Variants in RBFOX1 observed in about 807,000 individuals in gnomAD.
RBFOX1 encodes the protein RNA binding fox-1 homolog 1, also known as RNA binding protein fox-1 homolog 1.
Under a neutral mutation model 57.7 loss-of-function variants are expected in RBFOX1, and 8 were observed. The ratio of observed to expected loss-of-function variants is 0.14; its 90% CI spans 0.08 to 0.25. RBFOX1 has a LOEUF of 0.25. RBFOX1 is among the 10% of genes least tolerant of loss of function. The probability of loss-of-function intolerance (pLI) is 1.00; values close to 1 mark genes in which losing one functional copy is unlikely to be tolerated. For missense variants in RBFOX1, 611 were observed against 548.5 expected (o/e 1.11, Z -1.14); for synonymous variants, 326 against 222.4 (o/e 1.47, Z -4.15).
At chr16:6,974,095 A>C (rs1306310923) in intron 3 of RBFOX1, among the ~76,000 whole-genome samples, 1 of 152,270 alleles carries the variant, frequency 6.6e-6, no homozygotes, top group South Asian at 2.1e-4. Flanking sequence ...TGTCCCTGCA[A>C]AGGACATGAT....
At chr16:6,208,106 A>G (rs935105372) in intron 1 of RBFOX1, among the ~76,000 whole-genome samples, 4 of 151,990 alleles carry the variant, frequency 2.6e-5, no homozygotes, top group African/African-American at 9.7e-5. Context: ...TCTCTGCATA[A>G]AAACTAAATG....
chr16:7,488,582 G>T (rs12447795), intron 4 of RBFOX1, among the ~76,000 whole-genome samples: 139,358 of 152,108 alleles, frequency 0.92, 65,073 homozygotes, highest in East Asian at 1. Flanking sequence ...TATCCATTCT[G>T]ACATCGTCTA....
At chr16:7,537,931 G>C (rs1183447235) in intron 5 of RBFOX1, among the ~76,000 whole-genome samples, 1 of 152,172 alleles carries the variant, frequency 6.6e-6, no homozygotes, top group Non-Finnish European at 1.5e-5. Flanking sequence ...TCTGCCTTTT[G>C]GGCATTGATC....
chr16:5,348,391 G>A (rs907003011), intron 1 of RBFOX1, among the ~76,000 whole-genome samples: 2 of 152,212 alleles, frequency 1.3e-5, no homozygotes, highest in Non-Finnish European at 2.9e-5. Flanking sequence ...ACTACCTACT[G>A]TGTTAAGAAT....
chr16:6,992,027 A>G (rs937531898), intron 3 of RBFOX1, among the ~76,000 whole-genome samples: 5 of 148,428 alleles, frequency 3.4e-5, no homozygotes, highest in African/African-American at 7.9e-5. Context: ...CTTGAAAACT[A>G]TTGTCAGAGT....
chr16:5,373,143 G>A (rs2065901433), intron 1 of RBFOX1, among the ~76,000 whole-genome samples: 1 of 152,132 alleles, frequency 6.6e-6, no homozygotes, highest in African/African-American at 2.4e-5. Flanking sequence ...GGATTTTCTC[G>A]GCAGAACCAT....
intron 1 of RBFOX1, among the ~76,000 whole-genome samples, chr16:6,027,336 C>G (rs1567287107): frequency 6.6e-6 from 1 of 152,154 alleles, no homozygotes; most frequent in Non-Finnish European, 1.5e-5. Flanking sequence ...AAGCAGTTCT[C>G]TTCCCCTGCT....
At chr16:7,670,845 A>C (rs1433416834) in intron 13 of RBFOX1, among the ~76,000 whole-genome samples, 1 of 152,200 alleles carries the variant, frequency 6.6e-6, no homozygotes, top group Non-Finnish European at 1.5e-5. Context: ...CTTGACCATG[A>C]ATGACTCTTA....
chr16:6,835,580 C>T (rs1603630433), intron 3 of RBFOX1, among the ~76,000 whole-genome samples: 1 of 151,402 alleles, frequency 6.6e-6, no homozygotes, highest in Admixed American at 6.6e-5. Context: ...GGTAAAACCC[C>T]ATCTCTACCA....
At chr16:7,192,406 T>G (rs12930176) in intron 4 of RBFOX1, among the ~76,000 whole-genome samples, 59,437 of 152,052 alleles carry the variant, frequency 0.39, 12,049 homozygotes, top group Non-Finnish European at 0.43. Flanking sequence ...TTAGGAGCTT[T>G]AGACTCAAAT....
At chr16:5,577,274 G>A (rs182272322) in intron 2 of RBFOX1, among the ~76,000 whole-genome samples, 51 of 152,290 alleles carry the variant, frequency 3.3e-4, no homozygotes, top group South Asian at 1.2e-3. Context: ...GCTCCTGTTC[G>A]TCTGATTGGC....
intron 3 of RBFOX1, among the ~76,000 whole-genome samples, chr16:5,760,917 G>T (rs565401378): frequency 6.6e-6 from 1 of 152,292 alleles, no homozygotes; most frequent in African/African-American, 2.4e-5. Flanking sequence ...TAAGAGAGGT[G>T]GTTGCACAAC....
intron 4 of RBFOX1, among the ~76,000 whole-genome samples, chr16:5,931,914 C>G (rs900638939): frequency 9.2e-5 from 14 of 152,172 alleles, no homozygotes; most frequent in African/African-American, 3.4e-4. Flanking sequence ...CTCGAGCATT[C>G]CACCCACTTC....
At chr16:6,651,773 A>G (rs1183926143) in intron 2 of RBFOX1, among the ~76,000 whole-genome samples, 1 of 152,246 alleles carries the variant, frequency 6.6e-6, no homozygotes, top group Non-Finnish European at 1.5e-5. Flanking sequence ...TCATAGCAGC[A>G]TCATTCACAA....
At chr16:5,471,367 C>T (rs1362119377) in intron 2 of RBFOX1, among the ~76,000 whole-genome samples, 2 of 152,074 alleles carry the variant, frequency 1.3e-5, no homozygotes, top group African/African-American at 4.8e-5. Context: ...TGCATTTCTG[C>T]CTTTTCAGTA....
Position 7,052,069 on chromosome 16 carries a change from C to T in RBFOX1, c.-3C>T, listed in dbSNP as rs1438227488. 6.2e-7 allele frequency: 1 copy of T among 1,612,432 alleles called. No individual in the cohort carries two copies. The highest frequency in any genetic ancestry group is 8.5e-7 in the Non-Finnish European group (1 of 1,179,492). On this transcript the variant is annotated 5_prime_UTR_variant, in exon 4 of 16. Transcript: ENST00000550418. Reference sequence around the variant, plus strand: ...CTTTTCTTTCTAGGTTTCAAGACAACAGATGAATTGTGAAAGAGAGCAGCT... The same window carrying T: ...CTTTTCTTTCTAGGTTTCAAGACAATAGATGAATTGTGAAAGAGAGCAGCT...
intron 3 of RBFOX1, among the ~76,000 whole-genome samples, chr16:6,995,737 G>T (rs778326960): frequency 6.6e-6 from 1 of 151,942 alleles, no homozygotes; most frequent in South Asian, 2.1e-4. Flanking sequence ...CTGCAGCCTG[G>T]GCCATAGAGT....
intron 1 of RBFOX1, among the ~76,000 whole-genome samples, chr16:6,290,535 C>A (rs1267641438): frequency 2.0e-5 from 3 of 152,146 alleles, no homozygotes; most frequent in Non-Finnish European, 4.4e-5. Context: ...GCAGTGATGT[C>A]CGTGTGAATA....
At chr16:6,764,656 G>A (rs535036000) in intron 3 of RBFOX1, among the ~76,000 whole-genome samples, 1 of 152,180 alleles carries the variant, frequency 6.6e-6, no homozygotes. Context: ...AAATGCATGG[G>A]CTGGGTGCAG....
Sources: gnomAD v4.1 joint callset for allele counts (sites outside exome capture counted in the v4.1 genomes callset) on GRCh38, gnomAD v4.1.1 for gene constraint, MANE v1.5 for transcripts, NCBI Gene and HGNC (gene_info 2026-07-23, HGNC 2026-07-21) for gene names.